MYL4: variants seen among roughly 807,000 people sequenced by gnomAD.
The protein encoded by MYL4 is myosin light chain 4, also known as atrial myosin light chain 1.
Under a neutral mutation model 21.6 loss-of-function variants are expected in MYL4, and 16 were observed. The ratio of observed to expected loss-of-function variants is 0.74; its 90% confidence interval spans 0.50 to 1.12. The LOEUF (loss-of-function observed/expected upper bound fraction) is 1.12, where lower values mean the gene tolerates loss of function less well. Among genes scored for constraint, MYL4 ranks in the 50% most tolerant of loss-of-function variants. The pLI, the probability that MYL4 is intolerant of heterozygous loss-of-function variation, is 0.00. For synonymous variants in MYL4, 82 were observed against 95.7 expected, an observed-to-expected ratio of 0.86 and a Z score of 0.83; for missense variants, 249 against 252.9, an observed-to-expected ratio of 0.98 and a Z score of 0.11.
At chr17:47,193,670 C>G in the MYL4 span, among the ~76,000 whole-genome samples, 2 of 151,912 alleles carry the variant, frequency 1.3e-5, no homozygotes, top group Non-Finnish European at 2.9e-5. Flanking sequence ...TCTCACCCAC[C>G]CTACACATTC....
upstream of MYL4, among the ~76,000 whole-genome samples, chr17:47,195,456 C>T (rs931128504): frequency 1.3e-5 from 2 of 151,742 alleles, no homozygotes; most frequent in African/African-American, 4.8e-5. Context: ...CTCGAACTCC[C>T]GACTTCAGGT....
chr17:47,209,904 G>A (rs2064760885), intron 1 of MYL4, among the ~76,000 whole-genome samples: 1 of 152,130 alleles, frequency 6.6e-6, no homozygotes, highest in Non-Finnish European at 1.5e-5. Flanking sequence ...AAACAGACTA[G>A]CCTTTTCCTA....
intron 1 of MYL4, among the ~76,000 whole-genome samples, chr17:47,213,385 A>C (rs1212356760): frequency 2.0e-5 from 3 of 151,994 alleles, no homozygotes; most frequent in Admixed American, 1.3e-4. Context: ...AGTCTCCTAT[A>C]TAAAGTTTGC....
chr17:47,197,198 A>G (rs2064692397), upstream of MYL4, among the ~76,000 whole-genome samples: 1 of 147,330 alleles, frequency 6.8e-6, no homozygotes, highest in Admixed American at 7.0e-5. Flanking sequence ...TCCCGGGTTC[A>G]TGTCATTCTC....
At chr17:47,197,480 C>T (rs1219601452), upstream of MYL4, among the ~76,000 whole-genome samples, 1 of 152,024 alleles carries the variant, frequency 6.6e-6, no homozygotes, top group Non-Finnish European at 1.5e-5. Flanking sequence ...AGATGAGCTC[C>T]GAGATGTGCT....
upstream of MYL4, among the ~76,000 whole-genome samples, chr17:47,205,802 A>G (rs1312053684): frequency 6.6e-6 from 1 of 152,002 alleles, no homozygotes; most frequent in Non-Finnish European, 1.5e-5. Context: ...AGCCACAAAT[A>G]TTTTACACCA....
intron 2 of MYL4, among the ~76,000 whole-genome samples, chr17:47,216,935 C>G (rs564366668): frequency 6.6e-6 from 1 of 152,274 alleles, no homozygotes; most frequent in Non-Finnish European, 1.5e-5. Flanking sequence ...CTCAGGTGAT[C>G]TGCCCGCCTT....
At chr17:47,224,833 TC>T (rs1486693559), downstream of MYL4, among the ~76,000 whole-genome samples, 1 of 152,054 alleles carries the variant, frequency 6.6e-6, no homozygotes, top group Non-Finnish European at 1.5e-5. Context: ...GGATTCCAGC[TC>T]AGTGCCCTGG....
At chr17:47,222,914 G>A (rs2064867408) in intron 5 of MYL4, 100 bp from the exon 6 acceptor site, 2 of 1,413,758 alleles carry the variant, frequency 1.4e-6, no homozygotes, top group Middle Eastern at 1.8e-4. Flanking sequence ...AGAAAGGGGA[G>A]CAGGAGGGTT....
intron 3 of MYL4, among the ~76,000 whole-genome samples, chr17:47,220,933 G>A (rs2064850891): frequency 6.6e-6 from 1 of 152,124 alleles, no homozygotes; most frequent in South Asian, 2.1e-4. Flanking sequence ...CTTGGTTCTG[G>A]CCCGTCCCCC....
At chr17:47,216,660 C>G (rs779963160) in intron 2 of MYL4, among the ~76,000 whole-genome samples, 1 of 151,238 alleles carries the variant, frequency 6.6e-6, no homozygotes, top group African/African-American at 2.4e-5. Flanking sequence ...GTTTCACCCT[C>G]TTATTAAGCA....
In MYL4 at chr17:47,222,376, G is replaced by A. The variant is rs146859926; in HGVS notation, c.488-4G>A. 6,650 of 1,614,020 alleles carry A rather than the reference G, an allele frequency of 4.1e-3. 21 individuals carry two copies. The highest frequency in any genetic ancestry group is 4.8e-3 in the Non-Finnish European group (5,648 of 1,179,942). ...GAGCGCACCACCTCCCAAACCCACC[G>A]CAGGAGAGAAGATGACTGAGGCTGA... On this transcript the variant is annotated splice_region_variant and splice_polypyrimidine_tract_variant and intron_variant, in intron 4 of 6. Coordinates refer to ENST00000393450, the MANE Select transcript of MYL4 (RefSeq NM_002476.2).
the MYL4 span, among the ~76,000 whole-genome samples, chr17:47,190,091 T>C: frequency 6.6e-6 from 1 of 152,102 alleles, no homozygotes; most frequent in African/African-American, 2.4e-5. Context: ...TAATTGGAAA[T>C]AGTTACTTAG....
intron 1 of MYL4, among the ~76,000 whole-genome samples, chr17:47,202,561 A>C (rs562048781): frequency 4.6e-5 from 7 of 152,218 alleles, no homozygotes; most frequent in African/African-American, 1.7e-4. Flanking sequence ...ATTTTAGCAG[A>C]ATTGACTTGA....
At position 47,222,370 on chromosome 17, in the gene MYL4, C is replaced by A. The variant is rs1438189931; in HGVS notation, c.488-10C>A. The A allele has an allele frequency of 2.5e-6, 4 of 1,613,962 alleles. No individual in the cohort carries two copies. In the African/African-American group the frequency reaches 4.0e-5, roughly 16 times the overall value. On this transcript the variant is annotated splice_polypyrimidine_tract_variant and intron_variant, in intron 4 of 6. Coordinates refer to ENST00000393450, the MANE Select transcript of MYL4 (RefSeq NM_002476.2). Reference sequence around the variant, plus strand: ...AATTAAGAGCGCACCACCTCCCAAACCCACCGCAGGAGAGAAGATGACTGA... The same window carrying A: ...AATTAAGAGCGCACCACCTCCCAAAACCACCGCAGGAGAGAAGATGACTGA...
chr17:47,209,628 G>A (rs1046876879), intron 1 of MYL4, 71 bp downstream of exon 1: 18 of 1,611,380 alleles, frequency 1.1e-5, no homozygotes, highest in African/African-American at 1.3e-5. Context: ...GGAGCTTAGC[G>A]ATCTACTTTA....
the MYL4 span, among the ~76,000 whole-genome samples, chr17:47,191,898 T>C: frequency 1.8e-4 from 27 of 152,352 alleles, no homozygotes; most frequent in African/African-American, 6.3e-4. Context: ...CAGCAGAGTT[T>C]TGTAAACCTA....
At chr17:47,197,092 G>GTTT (rs71365051), upstream of MYL4, among the ~76,000 whole-genome samples, 584 of 113,284 alleles carry the variant, frequency 5.2e-3, 3 homozygotes, top group African/African-American at 0.013. Flanking sequence ...TCCTTAAAGG[G>GTTT]TTTTTTTTTT....
chr17:47,222,612 C>T (rs1234871134), intron 5 of MYL4, among the ~76,000 whole-genome samples, 155 bp downstream of exon 5: 1 of 152,054 alleles, frequency 6.6e-6, no homozygotes, highest in Non-Finnish European at 1.5e-5. Flanking sequence ...GTGAGTGAAC[C>T]TCCTAGTGTA....
Sources: allele counts gnomAD v4.1 joint callset (sites outside exome capture counted in the v4.1 genomes callset), GRCh38; gene constraint gnomAD v4.1.1; transcripts MANE v1.5; gene names NCBI Gene and HGNC (gene_info 2026-07-23, HGNC 2026-07-21).